CYP39A1: variants seen among roughly 807,000 people sequenced by gnomAD.
CYP39A1 encodes the protein cytochrome P450 family 39 subfamily A member 1.
CYP39A1 carries 49 observed loss-of-function variants against 58.1 expected under a neutral mutation model. That is an observed-to-expected ratio of 0.84 (90% CI 0.67 to 1.07). The LOEUF (loss-of-function observed/expected upper bound fraction) is 1.07. Among genes scored for constraint, CYP39A1 ranks in the 50% least tolerant of loss-of-function variants. The pLI, the probability that CYP39A1 is intolerant of heterozygous loss-of-function variation, is 0.00. For synonymous variants in CYP39A1, 209 were observed against 187.6 expected (o/e 1.11, Z -0.93); for missense variants, 531 against 539.4 (o/e 0.98, Z 0.16).
chr6:46,575,739 C>T (rs899949632), intron 10 of CYP39A1, among the ~76,000 whole-genome samples: 12 of 152,206 alleles, frequency 7.9e-5, no homozygotes, highest in African/African-American at 2.7e-4. Context: ...GCTTTAATCT[C>T]AAGGGGCCCC....
intron 7 of CYP39A1, among the ~76,000 whole-genome samples, chr6:46,606,435 T>A (rs1773849202): frequency 6.6e-6 from 1 of 152,196 alleles, no homozygotes. Flanking sequence ...AATAGCTCCG[T>A]ACCCATACTG....
intron 1 of CYP39A1, among the ~76,000 whole-genome samples, chr6:46,646,135 C>A (rs1762309311): frequency 6.6e-6 from 1 of 151,984 alleles, no homozygotes; most frequent in South Asian, 2.1e-4. Flanking sequence ...ATTGCACAGG[C>A]TAAAATTTCC....
chr6:46,633,597 G>A (rs142665279), intron 5 of CYP39A1, among the ~76,000 whole-genome samples: 1,634 of 152,100 alleles, frequency 0.011, 27 homozygotes, highest in African/African-American at 0.037. Context: ...GGTGGCTCAC[G>A]CCTGTAATCC....
intron 10 of CYP39A1, among the ~76,000 whole-genome samples, chr6:46,566,762 TTGAGA>T (rs1771303198): frequency 6.6e-6 from 1 of 151,994 alleles, no homozygotes; most frequent in Non-Finnish European, 1.5e-5. Context: ...TTATAGCTCA[TTGAGA>T]TAAGATTGAC....
At chr6:46,646,527 T>C (rs1290382838) in intron 1 of CYP39A1, among the ~76,000 whole-genome samples, 1 of 152,102 alleles carries the variant, frequency 6.6e-6, no homozygotes, top group Non-Finnish European at 1.5e-5. Context: ...TTGTCTGTAG[T>C]TTTTTTCCGT....
At chr6:46,584,130 T>G (rs1772319668) in intron 10 of CYP39A1, among the ~76,000 whole-genome samples, 1 of 152,168 alleles carries the variant, frequency 6.6e-6, no homozygotes, top group South Asian at 2.1e-4. Context: ...ATTTGCTATT[T>G]TATTTCTCTT....
At chr6:46,613,495 T>C (rs1453286961) in intron 7 of CYP39A1, among the ~76,000 whole-genome samples, 1 of 152,228 alleles carries the variant, frequency 6.6e-6, no homozygotes, top group African/African-American at 2.4e-5. Context: ...ATCATTTCTA[T>C]GCAGGTGCAT....
At chr6:46,552,095 G>C (rs890215221) in intron 11 of CYP39A1, among the ~76,000 whole-genome samples, 5 of 152,106 alleles carry the variant, frequency 3.3e-5, no homozygotes, top group African/African-American at 4.8e-5. Flanking sequence ...GAAAAATCCT[G>C]TCTTAAGGAA....
At position 46,652,808 on chromosome 6, in the gene CYP39A1, G is replaced by A. The variant is rs1392698533; in HGVS notation, c.-226C>T. 4.0e-6 allele frequency: 2 copies of A among 496,772 alleles called. No homozygotes were observed. Among genetic ancestry groups the A allele is most frequent in the East Asian group, 3.4e-5 (1 of 29,786 alleles). 30.8% of individuals were successfully genotyped at this position (496,772 alleles called of 1,614,324 possible). On this transcript the variant is annotated 5_prime_UTR_variant, in exon 1 of 12. Transcript: ENST00000275016. The stretch of plus-strand genomic sequence containing the variant: ...CTTCTCTTTGAATCTCAGCCAGCGC[G>A]GAAAAAATGCAAGGAGGGGCAGGGC...
Position 46,553,834 on chromosome 6 carries a change from A to G in CYP39A1, c.1271T>C (p.Val424Ala), listed in dbSNP as rs1214286172. ...CPARWFALLE[V>A]QMCIILILYK... ...AAGTATTAAAATAATACACATCTGA[A>G]CCTCTAACAGAGCAAACCACCTGGA... The change falls in exon 11 of 12, where the codon GTT becomes GCT. Residue 424 changes from valine (V) to alanine (A), a missense_variant. By Grantham distance (64) the Val-to-Ala change is moderately conservative. Coordinates refer to ENST00000275016, the MANE Select transcript of CYP39A1 (RefSeq NM_016593.5). The G allele has an allele frequency of 3.1e-6, 5 of 1,608,254 alleles. No individual in the cohort carries two copies. The highest frequency in any genetic ancestry group is 3.4e-6 in the Non-Finnish European group (4 of 1,176,826).
At chr6:46,637,683 A>G in intron 4 of CYP39A1, 146 bp downstream of exon 4, 1 of 759,116 alleles carries the variant, frequency 1.3e-6, no homozygotes, top group Non-Finnish European at 2.1e-6. Context: ...CAATTCACAT[A>G]CAGACACCAA....
chr6:46,630,379 T>C (rs1034684229), intron 6 of CYP39A1, among the ~76,000 whole-genome samples: 1 of 152,156 alleles, frequency 6.6e-6, no homozygotes, highest in African/African-American at 2.4e-5. Flanking sequence ...TTACCATTTA[T>C]TGAGCACCCA....
chr6:46,649,663 G>A (rs939485537), intron 1 of CYP39A1, among the ~76,000 whole-genome samples: 2 of 152,136 alleles, frequency 1.3e-5, no homozygotes, highest in Non-Finnish European at 2.9e-5. Flanking sequence ...CTATTTGCTT[G>A]TATACAGTTA....
At chr6:46,646,723 A>G (rs1456468090) in intron 1 of CYP39A1, among the ~76,000 whole-genome samples, 3 of 152,138 alleles carry the variant, frequency 2.0e-5, no homozygotes, top group African/African-American at 7.2e-5. Flanking sequence ...CAAAATACAA[A>G]TTCAATTTCC....
intron 1 of CYP39A1, among the ~76,000 whole-genome samples, chr6:46,649,703 G>T (rs1348055780): frequency 6.6e-6 from 1 of 152,160 alleles, no homozygotes; most frequent in Non-Finnish European, 1.5e-5. Flanking sequence ...TATAAGAAAT[G>T]AATTACAGTT....
At chr6:46,630,232 A>G (rs542205730) in intron 6 of CYP39A1, among the ~76,000 whole-genome samples, 1 of 152,298 alleles carries the variant, frequency 6.6e-6, no homozygotes, top group African/African-American at 2.4e-5. Flanking sequence ...TTGTAGGACC[A>G]TAATGCTAAG....
At chr6:46,574,182 A>G (rs1488056367) in intron 10 of CYP39A1, among the ~76,000 whole-genome samples, 1 of 152,194 alleles carries the variant, frequency 6.6e-6, no homozygotes, top group African/African-American at 2.4e-5. Flanking sequence ...TCTAGTCTCA[A>G]AATAGCTGCA....
At chr6:46,644,735 T>A (rs535445214) in intron 1 of CYP39A1, among the ~76,000 whole-genome samples, 20 of 152,306 alleles carry the variant, frequency 1.3e-4, no homozygotes, top group African/African-American at 4.8e-4. Flanking sequence ...TTTTCTGGAG[T>A]GGCTGTACCA....
At chr6:46,638,765 C>G (rs1490478361) in intron 3 of CYP39A1, among the ~76,000 whole-genome samples, 1 of 152,262 alleles carries the variant, frequency 6.6e-6, no homozygotes, top group African/African-American at 2.4e-5. Context: ...CATTCTGAGT[C>G]TGAACTGCTC....
Sources: gnomAD v4.1 joint callset for allele counts (sites outside exome capture counted in the v4.1 genomes callset) on GRCh38, gnomAD v4.1.1 for gene constraint, MANE v1.5 for transcripts, NCBI Gene and HGNC (gene_info 2026-07-23, HGNC 2026-07-21) for gene names.